Variants in RAP1GAP2 observed in about 807,000 individuals in gnomAD.
The protein encoded by RAP1GAP2 is rap1 GTPase-activating protein 2.
RAP1GAP2 carries 27 observed loss-of-function variants against 95.0 expected under a neutral mutation model. That is an observed-to-expected ratio of 0.28 (90% confidence interval 0.21 to 0.39). RAP1GAP2 has a LOEUF of 0.39. RAP1GAP2 is among the 10% of genes least tolerant of loss of function. The probability of loss-of-function intolerance (pLI) is 1.00; values close to 1 mark genes in which losing one functional copy is unlikely to be tolerated. For synonymous variants in RAP1GAP2, 373 were observed against 380.9 expected, an observed-to-expected ratio of 0.98 and a Z score of 0.24; for missense variants, 771 against 970.0, an observed-to-expected ratio of 0.79 and a Z score of 2.72.
chr17:2,854,583 C>G (rs2072050892), intron 2 of RAP1GAP2, among the ~76,000 whole-genome samples: 1 of 152,264 alleles, frequency 6.6e-6, no homozygotes, highest in Non-Finnish European at 1.5e-5. Context: ...CCCCACCCAC[C>G]CTCTCGCCCC....
At chr17:2,896,667 A>G (rs768344994) in intron 2 of RAP1GAP2, among the ~76,000 whole-genome samples, 3 of 152,180 alleles carry the variant, frequency 2.0e-5, no homozygotes, top group Non-Finnish European at 4.4e-5. Context: ...GGTGCCCCCA[A>G]CCACAGGGCT....
At chr17:2,927,328 T>G (rs1044715154) in intron 3 of RAP1GAP2, among the ~76,000 whole-genome samples, 4 of 152,016 alleles carry the variant, frequency 2.6e-5, no homozygotes, top group Non-Finnish European at 4.4e-5. Context: ...TAATTTTTTG[T>G]ATTTTTAGTA....
chr17:3,014,855 C>A (rs764130815), intron 17 of RAP1GAP2, among the ~76,000 whole-genome samples: 34 of 152,162 alleles, frequency 2.2e-4, no homozygotes, highest in Non-Finnish European at 3.8e-4. Flanking sequence ...TCGCCCCTGG[C>A]CGAGATGCTG....
At chr17:2,982,292 C>T (rs2045391757) in intron 10 of RAP1GAP2, among the ~76,000 whole-genome samples, 1 of 152,206 alleles carries the variant, frequency 6.6e-6, no homozygotes, top group Non-Finnish European at 1.5e-5. Context: ...GTGTGCGCCA[C>T]CATGCCCAGC....
chr17:2,981,355 T>C, intron 10 of RAP1GAP2, 107 bp downstream of exon 10: 1 of 1,043,666 alleles, frequency 9.6e-7, no homozygotes, highest in South Asian at 1.5e-5. Flanking sequence ...TTTCGTGGGG[T>C]CTCCATAATA....
Position 3,006,049 on chromosome 17 carries a change from T to C in RAP1GAP2, c.1359+8T>C. 6.2e-7 allele frequency: 1 copy of C among 1,609,704 alleles called. No homozygotes were observed. Among genetic ancestry groups the C allele is most frequent in the Non-Finnish European group, 8.5e-7 (1 of 1,177,706 alleles). On this transcript the variant is annotated splice_region_variant and intron_variant, in intron 16 of 24. Coordinates refer to ENST00000254695, the MANE Select transcript of RAP1GAP2 (RefSeq NM_015085.5). ...AAGTTTGCAAAGCTGGAGGTGAGAG[T>C]GTGGTTTCTGAAGGTCTCCCTCCTG...
intron 3 of RAP1GAP2, among the ~76,000 whole-genome samples, chr17:2,954,122 T>C (rs918314106): frequency 6.6e-6 from 1 of 152,204 alleles, no homozygotes; most frequent in Admixed American, 6.6e-5. Flanking sequence ...AAATTTTTTT[T>C]GAGATGGAGT....
chr17:2,912,905 T>C (rs900927446), intron 3 of RAP1GAP2, among the ~76,000 whole-genome samples: 3 of 152,152 alleles, frequency 2.0e-5, no homozygotes, highest in African/African-American at 7.2e-5. Context: ...TGGCTGGGCA[T>C]GGTGGCACAT....
chr17:2,766,367 A>G (rs538766460), intron 1 of RAP1GAP2, among the ~76,000 whole-genome samples: 1 of 152,202 alleles, frequency 6.6e-6, no homozygotes, highest in East Asian at 1.9e-4. Context: ...ATCCAGACGC[A>G]CTGGCTCACG....
intron 2 of RAP1GAP2, among the ~76,000 whole-genome samples, chr17:2,896,868 C>T (rs540873903): frequency 4.0e-4 from 61 of 152,322 alleles, no homozygotes; most frequent in Admixed American, 9.1e-4. Flanking sequence ...CCCTTGTGCC[C>T]ACGTGCAGCC....
intron 1 of RAP1GAP2, among the ~76,000 whole-genome samples, chr17:2,769,955 C>T (rs2068355161): frequency 6.6e-6 from 1 of 151,842 alleles, no homozygotes; most frequent in South Asian, 2.1e-4. Flanking sequence ...CACCTGTAAT[C>T]CCAGCTACCT....
In RAP1GAP2 at chr17:2,861,656, G is replaced by T. The variant is rs568819096; in HGVS notation, c.81-43628G>T. 7.2e-4 allele frequency among the ~76,000 whole-genome samples: 109 copies of T among 150,858 alleles called. 1 individual carries two copies. The highest frequency in any genetic ancestry group is 2.4e-3 in the African/African-American group (97 of 41,112). On this transcript the variant is annotated intron_variant, in intron 2 of 24. Transcript: ENST00000254695. ...CTAATTTTTGTATTTTTTTTGGGGG[G>T]GGGGACGGAGTCTCGCTCTGTCGCC... is the stretch of plus-strand genomic sequence containing the variant.
At chr17:2,841,921 T>C (rs1177297990) in intron 2 of RAP1GAP2, among the ~76,000 whole-genome samples, 1 of 152,216 alleles carries the variant, frequency 6.6e-6, no homozygotes, top group African/African-American at 2.4e-5. Flanking sequence ...CAGCAGTTTC[T>C]GGCAGGCAGG....
chr17:3,018,014 C>T (rs116472276), intron 17 of RAP1GAP2, 47 bp from the exon 18 acceptor site: 174 of 1,538,534 alleles, frequency 1.1e-4, no homozygotes, highest in African/African-American at 9.4e-4. Flanking sequence ...CAGAGTCATC[C>T]GGAGAGCCCG....
intron 17 of RAP1GAP2, among the ~76,000 whole-genome samples, chr17:3,010,935 A>G (rs1445725061): frequency 1.7e-4 from 26 of 151,554 alleles, no homozygotes; most frequent in Admixed American, 1.7e-3. Flanking sequence ...TTTATTTTTT[A>G]ATTTTTTTTG....
chr17:2,827,534 G>A lies in RAP1GAP2; in HGVS notation c.80+26984G>A, dbSNP rs9898842. On this transcript the variant is annotated intron_variant, in intron 2 of 24. Coordinates refer to ENST00000254695, the MANE Select transcript of RAP1GAP2 (RefSeq NM_015085.5). This position sits in a 1 kb window ranked among gnomAD's most constrained non-coding sequence, Gnocchi z 4.1. ...ATAGAAGGGACATTTGAGGCCTGGC[G>A]CGGTGGCTCATGCCTGTAATCCCAG... Among the ~76,000 whole-genome samples, 3,665 of 152,224 alleles carry A rather than the reference G, an allele frequency of 0.024. 145 individuals are homozygous for A. Among genetic ancestry groups the A allele is most frequent in the African/African-American group, 0.083 (3,430 of 41,526 alleles).
At chr17:2,869,002 C>T (rs185251714) in intron 2 of RAP1GAP2, among the ~76,000 whole-genome samples, 4 of 152,180 alleles carry the variant, frequency 2.6e-5, no homozygotes, top group South Asian at 2.1e-4. Flanking sequence ...CACAGACAAC[C>T]GTCTTCTCGC....
intron 2 of RAP1GAP2, among the ~76,000 whole-genome samples, chr17:2,822,634 T>TTG (rs1555547766): frequency 3.0e-5 from 4 of 133,984 alleles, no homozygotes; most frequent in African/African-American, 1.3e-4. Flanking sequence ...TTTGTTTTTT[T>TTG]TTTTTTTTTT....
At chr17:2,980,681 G>A (rs1000983638) in intron 9 of RAP1GAP2, among the ~76,000 whole-genome samples, 2 of 152,200 alleles carry the variant, frequency 1.3e-5, no homozygotes, top group Non-Finnish European at 2.9e-5. Context: ...TGGATGTGGT[G>A]AGTGCTGTAG....
Sources: allele counts gnomAD v4.1 joint callset (sites outside exome capture counted in the v4.1 genomes callset), GRCh38; gene constraint gnomAD v4.1.1; non-coding constraint Gnocchi (gnomAD v3.1); transcripts MANE v1.5; gene names NCBI Gene and HGNC (gene_info 2026-07-23, HGNC 2026-07-21).